The following HNRNPAB variants were observed in gnomAD, a reference collection of about 807,000 sequenced individuals.
HNRNPAB encodes heterogeneous nuclear ribonucleoprotein A/B.
HNRNPAB carries 17 observed loss-of-function variants against 44.1 expected under a neutral mutation model. The ratio of observed to expected loss-of-function variants is 0.39; its 90% CI spans 0.26 to 0.58. The LOEUF is 0.58. Ranked by LOEUF, HNRNPAB falls within the 20% of genes least tolerant of loss-of-function variation. The pLI, the probability that HNRNPAB is intolerant of heterozygous loss-of-function variation, is 0.63. For missense variants in HNRNPAB, 393 were observed against 432.7 expected, an observed-to-expected ratio of 0.91 and a Z score of 0.81; for synonymous variants, 183 against 167.6, an observed-to-expected ratio of 1.09 and a Z score of -0.71.
chr5:178,210,305 A>G, intron 7 of HNRNPAB, 33 bp downstream of exon 7: 1 of 1,613,092 alleles, frequency 6.2e-7, no homozygotes, highest in South Asian at 1.1e-5. Flanking sequence ...CCATCCGCTC[A>G]CCCCTCGTCC....
intron 3 of HNRNPAB, 53 bp from the exon 4 acceptor site, chr5:178,206,679 G>A (rs912255933): frequency 1.3e-6 from 2 of 1,566,608 alleles, no homozygotes; most frequent in Middle Eastern, 2.3e-4. Context: ...AGAGAGAAGG[G>A]CCTTGTCTGG....
At chr5:178,206,421 C>T (rs1439325997) in intron 3 of HNRNPAB, among the ~76,000 whole-genome samples, 2 of 152,094 alleles carry the variant, frequency 1.3e-5, no homozygotes, top group Admixed American at 6.5e-5. Context: ...GATTCCTTCC[C>T]CTGTGGCCCA....
rs1758074740 is a variant in HNRNPAB at position 178,210,833 on chromosome 5, G to T, written c.*210G>T. 2 of 587,536 alleles carry T rather than the reference G, an allele frequency of 3.4e-6. No homozygotes were observed. Among genetic ancestry groups the T allele is most frequent in the East Asian group, 5.8e-5 (2 of 34,718 alleles). 36.4% of individuals were successfully genotyped at this position (587,536 alleles called of 1,614,324 possible). A position where few individuals can be genotyped will look rare whatever the true frequency, so the allele number is the denominator to read the frequency against. On this transcript the variant is annotated 3_prime_UTR_variant, in exon 8 of 8. Transcript: ENST00000358344. ...AGCGTGTGGTGTCTGAGAGGCCATA[G>T]CGCCATCATGGGCTGATTTTTATTA... is the stretch of plus-strand genomic sequence containing the variant.
Position 178,211,162 on chromosome 5 carries a change from A to AT in HNRNPAB, c.*539_*540insT. The AT allele has an allele frequency of 6.4e-6, 1 of 155,394 alleles. No individual in the cohort carries two copies. The highest frequency in any genetic ancestry group is 1.9e-4 in the East Asian group (1 of 5,156). The allele number at this position is 155,394 out of a possible 1,614,324, so 9.6% of individuals were successfully genotyped here. The stretch of plus-strand genomic sequence containing the variant: ...TTTGAAATAAAATTTAAAAACCCCC[A>AT]AGCCTGGGTGAGTGTGGGATATGCT... On this transcript the variant is annotated 3_prime_UTR_variant, in exon 8 of 8. Coordinates refer to ENST00000358344, the MANE Select transcript of HNRNPAB (RefSeq NM_031266.3).
In HNRNPAB at chr5:178,204,945, C is replaced by G; in HGVS notation, c.108C>G (p.Ala36=). The G allele has an allele frequency of 8.3e-7, 1 of 1,209,986 alleles. No individual in the cohort carries two copies. The highest frequency in any genetic ancestry group is 1.0e-6 in the Non-Finnish European group (1 of 973,994). The allele number at this position is 1,209,986 out of a possible 1,614,324, so 75.0% of individuals were successfully genotyped here. The change falls in exon 2 of 8, where the codon GCC becomes GCG. Residue 36 remains alanine, a synonymous_variant. Transcript: ENST00000358344. The part of the protein sequence containing the change: ...GESPAGAGTG[A]AAGAGGATAA... ...CGCCGGCCGGGGCTGGCACGGGCGCCGCGGCGGGGGCTGGAGGCGCGACCG... is the reference window on the plus strand; with the variant it reads ...CGCCGGCCGGGGCTGGCACGGGCGCGGCGGCGGGGGCTGGAGGCGCGACCG...
At chr5:178,210,056 G>A in intron 6 of HNRNPAB, 76 bp from the exon 7 acceptor site, 1 of 1,576,546 alleles carries the variant, frequency 6.3e-7, no homozygotes, top group East Asian at 2.2e-5. Context: ...CCACCCCAAA[G>A]GGCAGGATTT....
chr5:178,208,337 G>A (rs1757203151), intron 5 of HNRNPAB, among the ~76,000 whole-genome samples: 1 of 152,182 alleles, frequency 6.6e-6, no homozygotes, highest in South Asian at 2.1e-4. Flanking sequence ...TAAAATGACA[G>A]TCTTTGAGGC....
In HNRNPAB at chr5:178,204,691, T is replaced by A; in HGVS notation, c.-73T>A. 2.7e-6 allele frequency: 1 copy of A among 372,094 alleles called. No individual in the cohort carries two copies. The highest frequency in any genetic ancestry group is 4.4e-6 in the Non-Finnish European group (1 of 224,784). 23.0% of individuals were successfully genotyped at this position (372,094 alleles called of 1,614,324 possible). On this transcript the variant is annotated 5_prime_UTR_variant, in exon 1 of 8. Transcript: ENST00000358344. ...TGAGTGCGGCCGAGCCTGCGGCGCC[T>A]TCCCCTGCGGGTGGGGACGAGCGGG...
Position 178,207,205 on chromosome 5 carries a change from C to A in HNRNPAB, c.649C>A (p.His217Asn), listed in dbSNP as rs1475941834. The change falls in exon 5 of 8, where the codon CAT becomes AAT. Residue 217 changes from histidine to asparagine, a missense_variant. This residue lies in a region of HNRNPAB where 210 missense variants were observed against 196.9 expected (regional missense o/e 1.07). Coordinates refer to ENST00000358344, the MANE Select transcript of HNRNPAB (RefSeq NM_031266.3). ...GAAGAAGGTTCTGGAGAAAAAGTTC[C>A]ATACTGTCAGTGGAAGCAAGGTAAG... ...PVKKVLEKKF[H>N]TVSGSKCEIK... The A allele has an allele frequency of 6.2e-7, 1 of 1,614,168 alleles. No individual in the cohort carries two copies. Among genetic ancestry groups the A allele is most frequent in the Admixed American group, 1.7e-5 (1 of 60,018 alleles).
chr5:178,210,106 G>T, intron 6 of HNRNPAB, 26 bp from the exon 7 acceptor site: 2 of 1,611,844 alleles, frequency 1.2e-6, no homozygotes, highest in South Asian at 1.1e-5. Context: ...TGGTCCACGG[G>T]CCCCTGTGCC....
Position 178,210,813 on chromosome 5 carries a change from G to GTGGTGTC in HNRNPAB, c.*193_*199dup, listed in dbSNP as rs772394722. On this transcript the variant is annotated 3_prime_UTR_variant, in exon 8 of 8. Coordinates refer to ENST00000358344, the MANE Select transcript of HNRNPAB (RefSeq NM_031266.3). Reference sequence around the variant, plus strand: ...AGAGCTCTAGGTGTTTAGGCAGCGTGTGGTGTCTGAGAGGCCATAGCGCCA... The same window carrying GTGGTGTC: ...AGAGCTCTAGGTGTTTAGGCAGCGTGTGGTGTCTGGTGTCTGAGAGGCCATAGCGCCA... The GTGGTGTC allele has an allele frequency of 1.3e-3, 774 of 610,414 alleles. 3 individuals are homozygous for GTGGTGTC. The highest frequency in any genetic ancestry group is 1.9e-3 in the Non-Finnish European group (661 of 339,626). The allele number at this position is 610,414 out of a possible 1,614,324, so 37.8% of individuals were successfully genotyped here.
chr5:178,209,030 C>T (rs558915156), intron 5 of HNRNPAB: 1 of 350,006 alleles, frequency 2.9e-6, no homozygotes, highest in Admixed American at 4.2e-5. Flanking sequence ...CCAGCCTGTC[C>T]TCTGCTCCCC....
At chr5:178,206,212 G>A (rs1196515327) in intron 3 of HNRNPAB, among the ~76,000 whole-genome samples, 1 of 152,210 alleles carries the variant, frequency 6.6e-6, no homozygotes, top group Non-Finnish European at 1.5e-5. Context: ...GTGCTGGAGT[G>A]GTTCGGGAAG....
intron 6 of HNRNPAB, among the ~76,000 whole-genome samples, chr5:178,209,885 A>T (rs1468633874): frequency 2.0e-5 from 3 of 152,082 alleles, no homozygotes; most frequent in Admixed American, 6.5e-5. Flanking sequence ...GTGATCAGAG[A>T]GTGACTGAGT....
rs1346865997 is a variant in HNRNPAB at position 178,205,949 on chromosome 5, A to G, written c.317A>G (p.Asn106Ser). The change falls in exon 3 of 8, where the codon AAC becomes AGC. Residue 106 changes from asparagine (N) to serine (S), a missense_variant. Around this residue, in one of 3 missense-constraint regions of HNRNPAB, gnomAD observed 102 missense variants for 162.3 expected, o/e 0.63. Transcript: ENST00000358344. ...VVDCTIKMDPNTGRSRGFGFI... is the reference protein window; with the variant it reads ...VVDCTIKMDPSTGRSRGFGFI... ...GACTGTACAATAAAAATGGATCCCAACACTGGACGGTCAAGAGGGTTTGGG... is the reference window on the plus strand; with the variant it reads ...GACTGTACAATAAAAATGGATCCCAGCACTGGACGGTCAAGAGGGTTTGGG... 6.2e-7 allele frequency: 1 copy of G among 1,614,228 alleles called. No individual in the cohort carries two copies. The highest frequency in any genetic ancestry group is 8.5e-7 in the Non-Finnish European group (1 of 1,180,034).
chr5:178,210,151 T>A lies in HNRNPAB; in HGVS notation c.807T>A (p.Asn269Lys). Residue 269 changes from asparagine to lysine, a missense_variant, in exon 7 of 8, where the codon AAT becomes AAA. Around this residue, in one of 3 missense-constraint regions of HNRNPAB, gnomAD observed 210 missense variants for 196.9 expected, o/e 1.07. Transcript: ENST00000358344. ...GGGGGQSQSW[N>K]QGYGNYWNQG... is the part of the protein sequence containing the mutation. The stretch of plus-strand genomic sequence containing the variant: ...CCACAGGTCAGAGTCAGAGTTGGAA[T>A]CAGGGCTACGGCAACTACTGGAACC... 6.2e-7 allele frequency: 1 copy of A among 1,614,100 alleles called. No individual in the cohort carries two copies. Among genetic ancestry groups the A allele is most frequent in the Non-Finnish European group, 8.5e-7 (1 of 1,179,956 alleles).
chr5:178,210,755 C>T lies in HNRNPAB; in HGVS notation c.*132C>T, dbSNP rs1292680827. On this transcript the variant is annotated 3_prime_UTR_variant, in exon 8 of 8. Coordinates refer to ENST00000358344, the MANE Select transcript of HNRNPAB (RefSeq NM_031266.3). The stretch of plus-strand genomic sequence containing the variant: ...CATGTGCATCTTATTTAAAATTTCC[C>T]CCATGGAAATCACTCTCCTGTTGAC... The T allele has an allele frequency of 1.4e-6, 1 of 724,754 alleles. No homozygotes were observed. The highest frequency in any genetic ancestry group is 2.4e-6 in the Non-Finnish European group (1 of 412,950). 44.9% of individuals were successfully genotyped at this position (724,754 alleles called of 1,614,324 possible).
chr5:178,209,402 C>G lies in HNRNPAB; in HGVS notation c.742C>G (p.Arg248Gly). ...GTATGGCTCTGGGGGCCGTGGAAAC[C>G]GCAACCGAGGGAACCGAGGCAGCGG... ...QQYGSGGRGNRNRGNRGSGGG... is the reference protein window; with the variant it reads ...QQYGSGGRGNGNRGNRGSGGG... The change falls in exon 6 of 8, where the codon CGC becomes GGC. Residue 248 changes from arginine (R) to glycine (G), a missense_variant. Around this residue, in one of 3 missense-constraint regions of HNRNPAB, gnomAD observed 210 missense variants for 196.9 expected, o/e 1.07. Transcript: ENST00000358344. 6.2e-7 allele frequency: 1 copy of G among 1,614,118 alleles called. No individual in the cohort carries two copies. The highest frequency in any genetic ancestry group is 2.2e-5 in the East Asian group (1 of 44,868).
chr5:178,206,313 T>C (rs1339097880), intron 3 of HNRNPAB, among the ~76,000 whole-genome samples: 1 of 152,226 alleles, frequency 6.6e-6, no homozygotes, highest in Non-Finnish European at 1.5e-5. Context: ...ATGATTGGTA[T>C]GATAGGCTTT....
Sources: gnomAD v4.1 joint callset for allele counts (sites outside exome capture counted in the v4.1 genomes callset) on GRCh38, gnomAD v4.1.1 for gene constraint, gnomAD v4.1.1 regional missense constraint, MANE v1.5 for transcripts, NCBI Gene and HGNC (gene_info 2026-07-23, HGNC 2026-07-21) for gene names.